The following EXD3 variants were observed in gnomAD, a reference collection of about 807,000 sequenced individuals.
The protein encoded by EXD3 is exonuclease mut-7 homolog.
A neutral mutation model predicts 98.0 loss-of-function variants in EXD3; 92 were observed. The observed-to-expected ratio is 0.94, with a 90% CI of 0.79 to 1.12. The LOEUF is 1.12. EXD3 is among the 50% of genes most tolerant of loss of function. The pLI, the probability that EXD3 is intolerant of heterozygous loss-of-function variation, is 0.00. For synonymous variants in EXD3, 569 were observed against 526.0 expected (o/e 1.08, Z -1.12); for missense variants, 1,222 against 1,191.6 (o/e 1.03, Z -0.38).
intron 17 of EXD3, among the ~76,000 whole-genome samples, chr9:137,331,253 C>A (rs1196079584): frequency 6.6e-6 from 1 of 151,986 alleles, no homozygotes; most frequent in Non-Finnish European, 1.5e-5. Context: ...AGGAACATAC[C>A]TCAAAATGAT....
In EXD3 at chr9:137,349,955, C is replaced by G. The variant is rs117676183; in HGVS notation, c.1495-424G>C. On this transcript the variant is annotated intron_variant, in intron 14 of 21. Coordinates refer to ENST00000340951, the MANE Select transcript of EXD3 (RefSeq NM_017820.5). This position sits in a 1 kb window ranked among gnomAD's most constrained non-coding sequence, Gnocchi z 7.4. Reference sequence around the variant, plus strand: ...GGGGCTCTAGTGCTCATGCTAGGGGCGCTCCACGTGTGTGTCTGGGGTGGC... The same window carrying G: ...GGGGCTCTAGTGCTCATGCTAGGGGGGCTCCACGTGTGTGTCTGGGGTGGC... Among the ~76,000 whole-genome samples, 16,151 of 150,342 alleles carry G rather than the reference C, an allele frequency of 0.11. 1,731 individuals carry two copies. Among genetic ancestry groups the G allele is most frequent in the African/African-American group, 0.28 (11,340 of 40,662 alleles).
intron 19 of EXD3, among the ~76,000 whole-genome samples, chr9:137,320,570 C>T (rs1385800423): frequency 2.6e-5 from 4 of 152,192 alleles, no homozygotes; most frequent in East Asian, 1.9e-4. Flanking sequence ...TTGGAGCTGC[C>T]AGTAGCCAGC....
Position 137,311,214 on chromosome 9 carries a change from C to T in EXD3, c.2185-1514G>A, listed in dbSNP as rs115454456. Among the ~76,000 whole-genome samples the T allele has an allele frequency of 1.2e-3, 186 of 152,356 alleles. 2 individuals are homozygous for T. The highest frequency in any genetic ancestry group is 4.4e-3 in the African/African-American group (183 of 41,590). Reference sequence around the variant, plus strand: ...TCCTCTTCCGCTAGCTCCCATCTCTCCCACCAGGAAGCTCCTTGTGCCATG... The same window carrying T: ...TCCTCTTCCGCTAGCTCCCATCTCTTCCACCAGGAAGCTCCTTGTGCCATG... On this transcript the variant is annotated intron_variant, in intron 19 of 21. Transcript: ENST00000340951.
chr9:137,417,436 C>T (rs973706131), intron 1 of EXD3, among the ~76,000 whole-genome samples: 5 of 152,162 alleles, frequency 3.3e-5, no homozygotes, highest in Admixed American at 3.3e-4. Flanking sequence ...CCCTGCTGAC[C>T]GCATCTGCAC....
chr9:137,354,336 C>A lies in EXD3; in HGVS notation c.870+3G>T, dbSNP rs1834491661. The A allele has an allele frequency of 1.2e-6, 2 of 1,612,330 alleles. No individual in the cohort carries two copies. The stretch of plus-strand genomic sequence containing the variant: ...CGGCTTACAGGCAAGGGCACGAACT[C>A]ACCTGCACATGGTCGGTCCAGTTCT... On this transcript the variant is annotated splice_donor_region_variant and intron_variant, in intron 10 of 21. Coordinates refer to ENST00000340951, the MANE Select transcript of EXD3 (RefSeq NM_017820.5).
rs192193816 is a variant in EXD3 at position 137,419,984 on chromosome 9, C to T, written c.-48+3130G>A. Among the ~76,000 whole-genome samples the T allele has an allele frequency of 5.9e-3, 899 of 152,014 alleles. 3 individuals are homozygous for T. Among genetic ancestry groups the T allele is most frequent in the Middle Eastern group, 0.014 (4 of 294 alleles). ...ACCATCCTGGCTAATACGGTGAAAC[C>T]CCATCTCTACTAAAAATACAAAAAA... On this transcript the variant is annotated intron_variant, in intron 1 of 21. Transcript: ENST00000340951.
rs1264891668 is a variant in EXD3 at position 137,366,504 on chromosome 9, C to T, written c.645G>A (p.Lys215=). ...CCCACGGGACTCACCTGGCAACGTC[C>T]TTGATGTCAAAGCCGGGCTGGCACC... ...DSWCQPGFDI[K]DVARRYPEVT... is the part of the protein sequence containing the mutation. The change falls in exon 7 of 22, where the codon AAG becomes AAA. Residue 215 remains lysine, a synonymous_variant. Coordinates refer to ENST00000340951, the MANE Select transcript of EXD3 (RefSeq NM_017820.5). The T allele has an allele frequency of 6.4e-6, 10 of 1,550,668 alleles. No homozygotes were observed. The South Asian group carries it at 1.1e-4, about 17-fold the overall frequency.
chr9:137,325,273 T>C (rs1008304486), intron 17 of EXD3, among the ~76,000 whole-genome samples: 3 of 152,110 alleles, frequency 2.0e-5, no homozygotes, highest in African/African-American at 7.2e-5. Flanking sequence ...GTCTAGATGC[T>C]GCAGAAAGCA....
chr9:137,368,065 C>T, intron 5 of EXD3, 76 bp from the exon 6 acceptor site: 1 of 1,198,224 alleles, frequency 8.3e-7, no homozygotes, highest in Non-Finnish European at 1.2e-6. Context: ...GGGGCTACCA[C>T]CCTTTTGCAC....
intron 3 of EXD3, among the ~76,000 whole-genome samples, chr9:137,376,668 G>A (rs931156473): frequency 2.8e-4 from 42 of 152,030 alleles, no homozygotes; most frequent in African/African-American, 8.5e-4. Context: ...GGTGGTTCAC[G>A]CCTGTAATCC....
At chr9:137,366,682 A>T in intron 6 of EXD3, 50 bp from the exon 7 acceptor site, 1 of 1,524,538 alleles carries the variant, frequency 6.6e-7, no homozygotes, top group South Asian at 1.2e-5. Flanking sequence ...CTCAGCCAAA[A>T]CCTGACTCAC....
intron 2 of EXD3, among the ~76,000 whole-genome samples, chr9:137,388,709 G>T (rs996513346): frequency 1.3e-5 from 2 of 152,122 alleles, no homozygotes; most frequent in Non-Finnish European, 2.9e-5. Context: ...CAAAGCCCCC[G>T]AGTGGGTCTC....
At chr9:137,411,155 G>A (rs1346202472) in intron 1 of EXD3, among the ~76,000 whole-genome samples, 1 of 152,210 alleles carries the variant, frequency 6.6e-6, no homozygotes, top group Non-Finnish European at 1.5e-5. Context: ...CCCCCCGGGT[G>A]GGGAGTCCCA....
intron 2 of EXD3, among the ~76,000 whole-genome samples, chr9:137,388,041 G>A (rs991668744): frequency 8.5e-5 from 13 of 152,184 alleles, no homozygotes; most frequent in African/African-American, 3.1e-4. Flanking sequence ...GGCAGAGCGG[G>A]GCAGCTGTGT....
At chr9:137,357,671 G>A (rs945342641) in intron 7 of EXD3, among the ~76,000 whole-genome samples, 1 of 150,770 alleles carries the variant, frequency 6.6e-6, no homozygotes, top group Non-Finnish European at 1.5e-5. Context: ...GTCTGTATTA[G>A]GGTTCTCTAG....
chr9:137,322,086 G>A (rs1832060616), intron 19 of EXD3, among the ~76,000 whole-genome samples: 1 of 152,140 alleles, frequency 6.6e-6, no homozygotes, highest in Admixed American at 6.5e-5. Flanking sequence ...ACCGAGGTGC[G>A]GCAGTTCCCA....
rs555762731 is a variant in EXD3, at chr9:137,410,199, C to A, written c.-48+12915G>T. Among the ~76,000 whole-genome samples, 91 of 151,648 alleles carry A rather than the reference C, an allele frequency of 6.0e-4. 1 individual carries two copies. The highest frequency in any genetic ancestry group is 1.1e-3 in the Non-Finnish European group (72 of 67,810). On this transcript the variant is annotated intron_variant, in intron 1 of 21. Transcript: ENST00000340951. ...TCAAAAAACAAAAATAATTAACAAC[C>A]AACAGCTGGGCACAGTGGCTCATGC... is the stretch of plus-strand genomic sequence containing the variant.
intron 3 of EXD3, among the ~76,000 whole-genome samples, chr9:137,379,028 C>T (rs1588387402): frequency 1.0e-5 from 1 of 97,418 alleles, no homozygotes; most frequent in Non-Finnish European, 1.9e-5. Flanking sequence ...TGACGGTGAC[C>T]GTTGCCTGGG....
At chr9:137,323,598 G>A (rs1832206105) in intron 19 of EXD3, 127 bp downstream of exon 19, 11 of 1,353,556 alleles carry the variant, frequency 8.1e-6, no homozygotes, top group Admixed American at 4.2e-5. Context: ...CCTGGACCAC[G>A]AGGGATGCTC....
Sources: gnomAD v4.1 joint callset for allele counts (sites outside exome capture counted in the v4.1 genomes callset) on GRCh38, gnomAD v4.1.1 for gene constraint, Gnocchi (gnomAD v3.1) non-coding constraint, MANE v1.5 for transcripts, NCBI Gene and HGNC (gene_info 2026-07-23, HGNC 2026-07-21) for gene names.